Variants in AGBL4 observed in about 807,000 individuals in gnomAD.
AGBL4 encodes cytosolic carboxypeptidase 6.
AGBL4 carries 58 observed loss-of-function variants against 66.4 expected under a neutral mutation model. That is an observed-to-expected ratio of 0.87 (90% CI 0.71 to 1.09). The LOEUF (loss-of-function observed/expected upper bound fraction) is 1.09. Ranked by LOEUF, AGBL4 falls within the 50% of genes least tolerant of loss-of-function variation. The pLI is 0.00. For missense variants in AGBL4, 579 were observed against 631.0 expected, an observed-to-expected ratio of 0.92 and a Z score of 0.88; for synonymous variants, 234 against 222.9, an observed-to-expected ratio of 1.05 and a Z score of -0.44.
intron 3 of AGBL4, among the ~76,000 whole-genome samples, chr1:49,680,851 A>C (rs1197069201): frequency 1.3e-5 from 2 of 150,220 alleles, no homozygotes; most frequent in African/African-American, 2.4e-5. Context: ...ATGAATTTAG[A>C]TCATTCTGTT....
In AGBL4 at chr1:49,070,440, A is replaced by G. The variant is rs184772667; in HGVS notation, c.378-24640T>C. 4.9e-3 allele frequency among the ~76,000 whole-genome samples: 744 copies of G among 152,034 alleles called. 3 individuals carry two copies. The highest frequency in any genetic ancestry group is 7.0e-3 in the Non-Finnish European group (473 of 68,008). On this transcript the variant is annotated intron_variant, in intron 4 of 13. Transcript: ENST00000371839. ...TAGTTTATTGACAGTTTTTAGCATG[A>G]AGGGCTGTTGAATTTTGTTGAAGGC...
chr1:49,595,970 C>T (rs762623284), intron 3 of AGBL4, among the ~76,000 whole-genome samples: 4 of 152,084 alleles, frequency 2.6e-5, no homozygotes, highest in Non-Finnish European at 5.9e-5. Context: ...CAAGATCTCT[C>T]ACCTCTTCTC....
At chr1:49,009,241 T>C (rs988991224) in intron 5 of AGBL4, among the ~76,000 whole-genome samples, 1 of 152,048 alleles carries the variant, frequency 6.6e-6, no homozygotes, top group African/African-American at 2.4e-5. Flanking sequence ...CAGAGAATAC[T>C]ACAAACACCT....
chr1:48,643,836 C>A (rs1645795644), intron 8 of AGBL4, among the ~76,000 whole-genome samples: 1 of 152,118 alleles, frequency 6.6e-6, no homozygotes, highest in Non-Finnish European at 1.5e-5. Context: ...GATCTGGAAT[C>A]CTGAAGGGTC....
intron 3 of AGBL4, among the ~76,000 whole-genome samples, chr1:49,292,397 G>T (rs2148428752): frequency 6.6e-6 from 1 of 152,314 alleles, no homozygotes; most frequent in African/African-American, 2.4e-5. Flanking sequence ...AGGGCTTAAA[G>T]GTTGATGGCC....
At chr1:49,303,451 T>TTTTATTTATTTA (rs141772658) in intron 3 of AGBL4, among the ~76,000 whole-genome samples, 106 of 147,330 alleles carry the variant, frequency 7.2e-4, no homozygotes, top group Admixed American at 1.2e-3. Context: ...CATAAATGTC[T>TTTTATTTATTTA]TTTATTTATT....
intron 2 of AGBL4, among the ~76,000 whole-genome samples, chr1:49,725,823 A>C (rs1481065635): frequency 6.6e-6 from 1 of 151,838 alleles, no homozygotes; most frequent in African/African-American, 2.4e-5. Flanking sequence ...CATGTGACAA[A>C]GCCCAAAATC....
At chr1:49,278,149 A>G (rs1335332893) in intron 3 of AGBL4, among the ~76,000 whole-genome samples, 1 of 152,152 alleles carries the variant, frequency 6.6e-6, no homozygotes, top group African/African-American at 2.4e-5. Context: ...AATCAGGTTT[A>G]TTTGACTCTA....
chr1:49,452,216 T>C (rs1403158551), intron 3 of AGBL4, among the ~76,000 whole-genome samples: 1 of 151,910 alleles, frequency 6.6e-6, no homozygotes, highest in East Asian at 1.9e-4. Context: ...GCAGAGTCCA[T>C]TTCCTCCATC....
intron 1 of AGBL4, among the ~76,000 whole-genome samples, chr1:49,877,984 T>A (rs1381787614): frequency 6.6e-6 from 1 of 152,132 alleles, no homozygotes; most frequent in Middle Eastern, 3.2e-3. Context: ...TAGTTTGTAT[T>A]TCTATGGGAT....
intron 8 of AGBL4, among the ~76,000 whole-genome samples, chr1:48,647,197 C>T (rs905097648): frequency 2.0e-5 from 3 of 152,180 alleles, no homozygotes; most frequent in Non-Finnish European, 2.9e-5. Flanking sequence ...TCTGCAGTTC[C>T]GTGCTATAAC....
intron 6 of AGBL4, among the ~76,000 whole-genome samples, chr1:48,799,298 T>C (rs1260748573): frequency 6.6e-6 from 1 of 152,156 alleles, no homozygotes; most frequent in Non-Finnish European, 1.5e-5. Context: ...CTCAGATTCG[T>C]TGTTGTTGGT....
At chr1:49,806,871 C>G (rs1644986805) in intron 2 of AGBL4, among the ~76,000 whole-genome samples, 1 of 152,150 alleles carries the variant, frequency 6.6e-6, no homozygotes, top group Non-Finnish European at 1.5e-5. Flanking sequence ...TTTGACCACC[C>G]CAGGTTCAGC....
At chr1:49,780,182 C>T (rs1199365691) in intron 2 of AGBL4, among the ~76,000 whole-genome samples, 2 of 152,094 alleles carry the variant, frequency 1.3e-5, no homozygotes, top group African/African-American at 4.8e-5. Flanking sequence ...AAAAAACAAA[C>T]AGCACTAACA....
In AGBL4 at chr1:49,507,442, C is replaced by T. The variant is rs367602841; in HGVS notation, c.282+189871G>A. Among the ~76,000 whole-genome samples, 14 of 152,092 alleles carry T rather than the reference C, an allele frequency of 9.2e-5. No homozygotes were observed. The East Asian group carries it at 1.9e-3, about 21-fold the overall frequency. ...ACCAACTTACACTCCTGTTAGAAAT[C>T]TGTGATAGTTCTATAGTTTTGCATC... On this transcript the variant is annotated intron_variant, in intron 3 of 13. Coordinates refer to ENST00000371839, the MANE Select transcript of AGBL4 (RefSeq NM_032785.4).
chr1:48,875,397 A>G (rs1172357725), intron 5 of AGBL4, among the ~76,000 whole-genome samples: 1 of 152,184 alleles, frequency 6.6e-6, no homozygotes, highest in Non-Finnish European at 1.5e-5. Flanking sequence ...ATGCTTTAGC[A>G]TGTTACTCAG....
chr1:49,823,292 G>T (rs546405715), intron 2 of AGBL4, among the ~76,000 whole-genome samples: 1 of 152,288 alleles, frequency 6.6e-6, no homozygotes, highest in African/African-American at 2.4e-5. Context: ...TTAGCTATAA[G>T]GCAGTGTGAA....
chr1:49,364,645 T>C (rs1644208584), intron 3 of AGBL4, among the ~76,000 whole-genome samples: 3 of 152,096 alleles, frequency 2.0e-5, no homozygotes, highest in Admixed American at 1.3e-4. Flanking sequence ...ACCTGGCTAA[T>C]TTTTTTATTT....
intron 3 of AGBL4, among the ~76,000 whole-genome samples, chr1:49,407,375 T>C (rs1257178335): frequency 6.6e-6 from 1 of 152,230 alleles, no homozygotes; most frequent in African/African-American, 2.4e-5. Context: ...CTCTAGGCCA[T>C]GGGCCTTCAA....
Sources: allele counts gnomAD v4.1 joint callset (sites outside exome capture counted in the v4.1 genomes callset), GRCh38; gene constraint gnomAD v4.1.1; transcripts MANE v1.5; gene names NCBI Gene and HGNC (gene_info 2026-07-23, HGNC 2026-07-21).